The following INVS variants were observed in gnomAD, a reference collection of about 807,000 sequenced individuals.
The protein encoded by INVS is inversin.
In INVS, 86 loss-of-function variants were observed where a neutral mutation model predicts 108.8. The observed-to-expected ratio is 0.79, with a 90% CI of 0.66 to 0.95. INVS has a LOEUF of 0.95. Ranked by LOEUF, INVS falls within the 40% of genes least tolerant of loss-of-function variation. The probability of loss-of-function intolerance (pLI) is 0.00; values close to 1 mark genes in which losing one functional copy is unlikely to be tolerated. For synonymous variants in INVS, 455 were observed against 473.5 expected (o/e 0.96, Z 0.51); for missense variants, 1,169 against 1,297.4 (o/e 0.90, Z 1.52).
At chr9:100,219,977 G>A (rs1205714525) in intron 3 of INVS, among the ~76,000 whole-genome samples, 1 of 152,112 alleles carries the variant, frequency 6.6e-6, no homozygotes, top group Admixed American at 6.5e-5. Context: ...TCCAAAGAGG[G>A]AGAGAAGGTA....
intron 15 of INVS, among the ~76,000 whole-genome samples, chr9:100,297,359 G>A (rs192682918): frequency 6.6e-5 from 10 of 152,222 alleles, no homozygotes; most frequent in East Asian, 3.9e-4. Flanking sequence ...GCCTCCCAGC[G>A]ATACTGGGTC....
At chr9:100,251,072 G>A (rs1832217914) in intron 8 of INVS, among the ~76,000 whole-genome samples, 1 of 152,164 alleles carries the variant, frequency 6.6e-6, no homozygotes, top group Non-Finnish European at 1.5e-5. Flanking sequence ...TAGTCCCTCA[G>A]TGATTCTACA....
chr9:100,145,435 A>G (rs1306363972), intron 3 of INVS, among the ~76,000 whole-genome samples: 1 of 151,924 alleles, frequency 6.6e-6, no homozygotes, highest in Non-Finnish European at 1.5e-5. Context: ...GGGTGCAAAG[A>G]TAAGAGGTCA....
intron 3 of INVS, among the ~76,000 whole-genome samples, chr9:100,137,413 A>ATCAT (rs1466930969): frequency 6.6e-6 from 1 of 152,182 alleles, no homozygotes; most frequent in Non-Finnish European, 1.5e-5. Flanking sequence ...GTGTTTAATG[A>ATCAT]TAACTTGTTT....
chr9:100,129,205 G>A (rs955094163), intron 3 of INVS, among the ~76,000 whole-genome samples: 7 of 146,578 alleles, frequency 4.8e-5, no homozygotes, highest in African/African-American at 1.8e-4. Flanking sequence ...AATCTGGCAG[G>A]GTGCAGTGGC....
chr9:100,107,330 C>T (rs1374530226), intron 2 of INVS, among the ~76,000 whole-genome samples: 1 of 152,010 alleles, frequency 6.6e-6, no homozygotes, highest in Non-Finnish European at 1.5e-5. Context: ...GTTAATTTTG[C>T]CATTTTTGAC....
intron 5 of INVS, among the ~76,000 whole-genome samples, chr9:100,233,921 T>A (rs1016590632): frequency 2.0e-5 from 3 of 152,118 alleles, no homozygotes; most frequent in Non-Finnish European, 4.4e-5. Flanking sequence ...TTTTCTATTG[T>A]TTGGAATAGT....
intron 3 of INVS, among the ~76,000 whole-genome samples, chr9:100,207,324 C>T (rs1434944581): frequency 6.6e-6 from 1 of 152,024 alleles, no homozygotes; most frequent in African/African-American, 2.4e-5. Context: ...GGCAGAGTCT[C>T]ACTCTGTCAC....
intron 3 of INVS, among the ~76,000 whole-genome samples, chr9:100,218,779 G>A (rs1588096671): frequency 6.6e-6 from 1 of 152,136 alleles, no homozygotes; most frequent in African/African-American, 2.4e-5. Context: ...TAGAGAAATG[G>A]CAGAAGCAGG....
chr9:100,297,237 CT>C, intron 15 of INVS, 91 bp downstream of exon 15: 1 of 1,030,516 alleles, frequency 9.7e-7, no homozygotes, highest in Non-Finnish European at 1.5e-6. Flanking sequence ...ATTGGGTAAA[CT>C]TCCATTCAGA....
intron 5 of INVS, among the ~76,000 whole-genome samples, chr9:100,230,470 G>GT (rs1042305431): frequency 4.8e-5 from 7 of 146,424 alleles, no homozygotes; most frequent in South Asian, 2.1e-4. Flanking sequence ...GTTTTGTTTT[G>GT]TTTTTTTGCA....
At chr9:100,295,827 G>A (rs1036337551) in intron 14 of INVS, among the ~76,000 whole-genome samples, 9 of 152,220 alleles carry the variant, frequency 5.9e-5, no homozygotes, top group Admixed American at 1.3e-4. Flanking sequence ...TTCCCCCCAA[G>A]TTCTGTGCCC....
At chr9:100,202,004 C>T (rs931602194) in intron 3 of INVS, among the ~76,000 whole-genome samples, 7 of 152,020 alleles carry the variant, frequency 4.6e-5, no homozygotes, top group Admixed American at 2.6e-4. Flanking sequence ...TATTCAGAGG[C>T]GGGTACAGTC....
chr9:100,242,702 CT>C lies in INVS; in HGVS notation c.906+29del, dbSNP rs752128969. 11 of 1,308,678 alleles carry C rather than the reference CT, an allele frequency of 8.4e-6. No homozygotes were observed. The African/African-American group carries it at 1.6e-4, about 19-fold the overall frequency. The allele number at this position is 1,308,678 out of a possible 1,614,324, so 81.1% of individuals were successfully genotyped here. A position where few individuals can be genotyped will look rare whatever the true frequency, so the allele number is the denominator to read the frequency against. The stretch of plus-strand genomic sequence containing the variant: ...GCTGTAAGTAAAACAAGACAATGCT[CT>C]TTTTTCTTAGTGAAAATTGTTATTT... On this transcript the variant is annotated intron_variant, in intron 7 of 16. Coordinates refer to ENST00000262457, the MANE Select transcript of INVS (RefSeq NM_014425.5).
At chr9:100,196,740 T>C (rs1830386533) in intron 3 of INVS, among the ~76,000 whole-genome samples, 1 of 149,662 alleles carries the variant, frequency 6.7e-6, no homozygotes, top group African/African-American at 2.4e-5. Context: ...TACCTAATTG[T>C]ATACATAGTT....
chr9:100,215,892 A>G (rs529963346), intron 3 of INVS, among the ~76,000 whole-genome samples: 5 of 152,348 alleles, frequency 3.3e-5, no homozygotes, highest in African/African-American at 9.6e-5. Flanking sequence ...GGCAAGATAC[A>G]TAAGTCTGGT....
chr9:100,107,118 A>G (rs1250582178), intron 2 of INVS, among the ~76,000 whole-genome samples: 1 of 152,178 alleles, frequency 6.6e-6, no homozygotes, highest in Non-Finnish European at 1.5e-5. Context: ...AAGTGCATAC[A>G]ACTTATATGT....
intron 5 of INVS, among the ~76,000 whole-genome samples, chr9:100,233,464 T>A (rs1226791077): frequency 6.6e-6 from 1 of 152,220 alleles, no homozygotes; most frequent in East Asian, 1.9e-4. Flanking sequence ...TAAAAGGGAA[T>A]GCTTCCAGTT....
chr9:100,221,077 G>A (rs776036455), intron 3 of INVS, among the ~76,000 whole-genome samples: 1 of 152,042 alleles, frequency 6.6e-6, no homozygotes, highest in Non-Finnish European at 1.5e-5. Flanking sequence ...GAAATACCGA[G>A]GAAGTATTTA....
Sources: gnomAD v4.1 joint callset for allele counts (sites outside exome capture counted in the v4.1 genomes callset) on GRCh38, gnomAD v4.1.1 for gene constraint, MANE v1.5 for transcripts, NCBI Gene and HGNC (gene_info 2026-07-23, HGNC 2026-07-21) for gene names.